The following SULT2B1 variants were observed in gnomAD, a reference collection of about 807,000 sequenced individuals.
The protein encoded by SULT2B1 is sulfotransferase 2B1.
Under a neutral mutation model 33.2 loss-of-function variants are expected in SULT2B1, and 16 were observed. The ratio of observed to expected loss-of-function variants is 0.48; its 90% CI spans 0.33 to 0.73. SULT2B1 has a LOEUF of 0.73. Among genes scored for constraint, SULT2B1 ranks in the 30% least tolerant of loss-of-function variants. SULT2B1 has a pLI of 0.02. For missense variants in SULT2B1, 500 were observed against 506.0 expected (o/e 0.99, Z 0.11); for synonymous variants, 186 against 200.5 (o/e 0.93, Z 0.61).
At chr19:48,579,401 GCCTCCCAATTAGCTGGGACTACA>G (rs1973454963) in intron 2 of SULT2B1, among the ~76,000 whole-genome samples, 1 of 150,292 alleles carries the variant, frequency 6.7e-6, no homozygotes, top group African/African-American at 2.5e-5. Context: ...TCTTGCCTCA[GCCTCCCAATTAGCTGGGACTACA>G]GGCGCCCACC....
intron 2 of SULT2B1, among the ~76,000 whole-genome samples, chr19:48,579,910 C>A (rs1973464076): frequency 6.6e-6 from 1 of 151,240 alleles, no homozygotes; most frequent in Non-Finnish European, 1.5e-5. Flanking sequence ...CTCGGCCTTG[C>A]ATGCAAGTTC....
chr19:48,590,867 T>C (rs1973634438), intron 3 of SULT2B1, among the ~76,000 whole-genome samples: 2 of 152,000 alleles, frequency 1.3e-5, no homozygotes, highest in Admixed American at 6.6e-5. Flanking sequence ...AGGGTCTCGT[T>C]CTGTCATGTA....
intron 1 of SULT2B1, among the ~76,000 whole-genome samples, chr19:48,558,161 G>A (rs947764833): frequency 2.0e-5 from 3 of 152,126 alleles, no homozygotes; most frequent in Non-Finnish European, 4.4e-5. Context: ...TGTAAGAGGT[G>A]AGGCCCAGAG....
intron 1 of SULT2B1, among the ~76,000 whole-genome samples, chr19:48,567,157 A>G (rs1400923042): frequency 6.6e-6 from 1 of 152,076 alleles, no homozygotes; most frequent in African/African-American, 2.4e-5. Context: ...CTCTCTTGGA[A>G]CATCATTGCC....
At chr19:48,555,271 T>C (rs1056340137) in intron 1 of SULT2B1, among the ~76,000 whole-genome samples, 1 of 152,034 alleles carries the variant, frequency 6.6e-6, no homozygotes, top group Non-Finnish European at 1.5e-5. Flanking sequence ...TTTATATTTT[T>C]AGTTGAGACA....
At chr19:48,555,276 G>A (rs907686713) in intron 1 of SULT2B1, among the ~76,000 whole-genome samples, 4 of 151,964 alleles carry the variant, frequency 2.6e-5, no homozygotes, top group Non-Finnish European at 5.9e-5. Context: ...ATTTTTAGTT[G>A]AGACAGGATT....
chr19:48,593,579 C>T (rs1973671491), intron 5 of SULT2B1, among the ~76,000 whole-genome samples: 1 of 151,852 alleles, frequency 6.6e-6, no homozygotes, highest in African/African-American at 2.4e-5. Context: ...AAGATTGAAC[C>T]ACATGAAATG....
rs534611927 is a variant in SULT2B1 at position 48,578,338 on chromosome 19, T to C, written c.214+2255T>C. On this transcript the variant is annotated intron_variant, in intron 2 of 6. Transcript: ENST00000201586. ...GGCTCACACCCATAATCCCAACATTTTGGGAGGCCGAGGCAGGAGGATCTC... is the reference window on the plus strand; with the variant it reads ...GGCTCACACCCATAATCCCAACATTCTGGGAGGCCGAGGCAGGAGGATCTC... 2.9e-3 allele frequency among the ~76,000 whole-genome samples: 448 copies of C among 152,180 alleles called. 1 individual carries two copies. The highest frequency in any genetic ancestry group is 4.8e-3 in the Non-Finnish European group (328 of 67,990).
intron 3 of SULT2B1, chr19:48,591,372 G>A (rs1389883156): frequency 5.6e-6 from 2 of 358,880 alleles, no homozygotes; most frequent in Non-Finnish European, 1.0e-5. Context: ...TCAGGAGGCT[G>A]ACACAGGAGA....
At chr19:48,553,610 G>A (rs1973055713) in intron 1 of SULT2B1, among the ~76,000 whole-genome samples, 1 of 152,114 alleles carries the variant, frequency 6.6e-6, no homozygotes, top group African/African-American at 2.4e-5. Context: ...ACCACGCCTG[G>A]CCGCCTCATT....
Position 48,552,402 on chromosome 19 carries a change from G to T in SULT2B1, c.71+79G>T. On this transcript the variant is annotated intron_variant, in intron 1 of 6. Transcript: ENST00000201586. The surrounding 1 kb of genome is among the most constrained non-coding windows in gnomAD (Gnocchi z 4.8). ...TTGGGGGAGCCGGGGACTGTGGCAA[G>T]GGTGGCCTCCAGCCACCCGCAGCCG... The T allele has an allele frequency of 6.6e-7, 1 of 1,513,280 alleles. No homozygotes were observed. The highest frequency in any genetic ancestry group is 1.2e-5 in the South Asian group (1 of 84,138). The allele number at this position is 1,513,280 out of a possible 1,614,324, so 93.7% of individuals were successfully genotyped here.
chr19:48,555,219 G>A (rs181984617), intron 1 of SULT2B1, among the ~76,000 whole-genome samples: 44 of 152,208 alleles, frequency 2.9e-4, no homozygotes, highest in African/African-American at 7.5e-4. Context: ...AGCCTCCCAA[G>A]TAGCTGGGAT....
In SULT2B1 at chr19:48,597,654, C is replaced by CTTTTTCTTTT. The variant is rs1555735826; in HGVS notation, c.826+740_826+741insCTTTTTTTTT. Among the ~76,000 whole-genome samples the CTTTTTCTTTT allele has an allele frequency of 8.1e-5, 10 of 124,220 alleles. 1 individual carries two copies. Among genetic ancestry groups the CTTTTTCTTTT allele is most frequent in the Non-Finnish European group, 9.7e-5 (6 of 61,912 alleles). The allele number at this position is 124,220 out of a possible 152,430, so 81.5% of individuals were successfully genotyped here. ...CACCGCGCCCGGCCTTTTCTTTTTT[C>CTTTTTCTTTT]TTTTTTGAGACGGAGTTTCACTCTT... On this transcript the variant is annotated intron_variant, in intron 6 of 6. Transcript: ENST00000201586.
At chr19:48,597,585 C>T (rs1470726517) in intron 6 of SULT2B1, among the ~76,000 whole-genome samples, 4 of 151,752 alleles carry the variant, frequency 2.6e-5, no homozygotes, top group Non-Finnish European at 5.9e-5. Flanking sequence ...CCTTGTGATC[C>T]ACCCGCCTCG....
intron 5 of SULT2B1, among the ~76,000 whole-genome samples, chr19:48,595,306 A>T (rs145188405): frequency 2.8e-3 from 20 of 7,034 alleles, no homozygotes; most frequent in African/African-American, 3.6e-3. Context: ...AGAGGGGCAC[A>T]GGGGAGGACT....
chr19:48,576,169 G>A (rs1458160816), intron 2 of SULT2B1, 86 bp downstream of exon 2: 10 of 1,266,550 alleles, frequency 7.9e-6, no homozygotes, highest in Admixed American at 7.4e-5. Flanking sequence ...AGAGAAGGAG[G>A]GGAGGAGGAA....
At chr19:48,564,276 G>A (rs749202741) in intron 1 of SULT2B1, among the ~76,000 whole-genome samples, 20 of 149,828 alleles carry the variant, frequency 1.3e-4, no homozygotes, top group Non-Finnish European at 2.1e-4. Context: ...AAAATAGGTC[G>A]GGTGCAGTGG....
At chr19:48,558,926 T>G (rs1973140217) in intron 1 of SULT2B1, among the ~76,000 whole-genome samples, 1 of 152,038 alleles carries the variant, frequency 6.6e-6, no homozygotes, top group Non-Finnish European at 1.5e-5. Context: ...CCTCGGATGA[T>G]CCACCCGCCT....
chr19:48,584,184 AC>A (rs1973533359), intron 2 of SULT2B1, among the ~76,000 whole-genome samples: 1 of 152,206 alleles, frequency 6.6e-6, no homozygotes, highest in South Asian at 2.1e-4. Context: ...CTGAAGCCAA[AC>A]TCCCAAGAAA....
Sources: allele counts gnomAD v4.1 joint callset (sites outside exome capture counted in the v4.1 genomes callset), GRCh38; gene constraint gnomAD v4.1.1; non-coding constraint Gnocchi (gnomAD v3.1); transcripts MANE v1.5; gene names NCBI Gene and HGNC (gene_info 2026-07-23, HGNC 2026-07-21).